Variants in DNAAF8 observed in about 807,000 individuals in gnomAD.
DNAAF8 encodes the protein dynein axonemal assembly factor 8, also known as dynein axonemal-associated protein 1.
DNAAF8 carries 61 observed loss-of-function variants against 54.6 expected under a neutral mutation model. The ratio of observed to expected loss-of-function variants is 1.12; its 90% CI spans 0.91 to 1.38. DNAAF8 has a LOEUF of 1.38. DNAAF8 is among the 40% of genes most tolerant of loss of function. The probability of loss-of-function intolerance (pLI) is 0.00; values close to 1 mark genes in which losing one functional copy is unlikely to be tolerated. For missense variants in DNAAF8, 837 were observed against 665.0 expected (o/e 1.26, Z -2.85); for synonymous variants, 320 against 270.1 (o/e 1.18, Z -1.81).
chr16:4,738,910 G>GAA (rs2081926512), intron 3 of DNAAF8, among the ~76,000 whole-genome samples: 1 of 151,998 alleles, frequency 6.6e-6, no homozygotes, highest in Non-Finnish European at 1.5e-5. Context: ...ATAAAGAAAA[G>GAA]AAAACAGTGT....
chr16:4,735,625 G>C (rs904156907), intron 1 of DNAAF8, among the ~76,000 whole-genome samples: 1 of 150,402 alleles, frequency 6.6e-6, no homozygotes, highest in African/African-American at 2.5e-5. Flanking sequence ...GGGCTGGTCA[G>C]AGTAGTGACT....
Position 4,746,429 on chromosome 16 carries a change from G to C in DNAAF8, c.1098G>C (p.Gln366His), listed in dbSNP as rs1308379822. Residue 366 changes from glutamine to histidine, a missense_variant, in exon 7 of 10, where the codon CAG becomes CAC. Transcript: ENST00000299320. ...CTGGGCCAGGCCCGCAGCTGGCCCAGGGCATGAGGCTTAACGCAGAGTCCC... is the reference window on the plus strand; with the variant it reads ...CTGGGCCAGGCCCGCAGCTGGCCCACGGCATGAGGCTTAACGCAGAGTCCC... ...SQAGPGPQLA[Q>H]GMRLNAESPT... 1 of 1,613,554 alleles carries C rather than the reference G, an allele frequency of 6.2e-7. No individual in the cohort carries two copies. The highest frequency in any genetic ancestry group is 1.1e-5 in the South Asian group (1 of 91,082).
chr16:4,738,873 G>A (rs2081925777), intron 3 of DNAAF8, among the ~76,000 whole-genome samples: 1 of 151,988 alleles, frequency 6.6e-6, no homozygotes, highest in South Asian at 2.1e-4. Flanking sequence ...GCAACAGAGT[G>A]AGACTCCATC....
At chr16:4,735,456 G>A (rs562408814) in intron 1 of DNAAF8, among the ~76,000 whole-genome samples, 28 of 152,134 alleles carry the variant, frequency 1.8e-4, no homozygotes, top group Admixed American at 1.7e-3. Flanking sequence ...GGATGAACGG[G>A]CACTGACTGC....
At chr16:4,743,010 C>T (rs2081973188) in intron 4 of DNAAF8, 33 bp from the exon 5 acceptor site, 1 of 1,534,372 alleles carries the variant, frequency 6.5e-7, no homozygotes, top group African/African-American at 1.4e-5. Context: ...GACCCCTCAG[C>T]ATCCTCATAA....
At chr16:4,737,723 T>C in intron 2 of DNAAF8, 77 bp from the exon 3 acceptor site, 1 of 1,527,022 alleles carries the variant, frequency 6.5e-7, no homozygotes, top group Non-Finnish European at 9.0e-7. Flanking sequence ...GAGTGGAGAG[T>C]GGAGAGCGGG....
chr16:4,746,459 C>T lies in DNAAF8; in HGVS notation c.1128C>T (p.Thr376=), dbSNP rs1367684673. The T allele has an allele frequency of 1.9e-6, 3 of 1,613,716 alleles. No homozygotes were observed. The highest frequency in any genetic ancestry group is 2.2e-5 in the East Asian group (1 of 44,906). The stretch of plus-strand genomic sequence containing the variant: ...TGAGGCTTAACGCAGAGTCCCCCAC[C>T]ATCTTTATTGACCTGCGGCAGATGG... The part of the protein sequence containing the change: ...QGMRLNAESP[T]IFIDLRQMEL... Residue 376 remains threonine (T), a synonymous_variant, in exon 7 of 10, where the codon ACC becomes ACT. Transcript: ENST00000299320.
chr16:4,736,619 G>A lies in DNAAF8; in HGVS notation c.105G>A (p.Pro35=), dbSNP rs146924104. Residue 35 remains proline (P), a synonymous_variant, in exon 2 of 10, where the codon CCG becomes CCA. Transcript: ENST00000299320. ...AILKAVKDQL[P]SLDSDSPLSD... is the part of the protein sequence containing the mutation. Reference sequence around the variant, plus strand: ...TCAAGGCTGTCAAAGACCAGCTCCCGTCTCTGGACTCAGACTCCCCTTTGG... The same window carrying A: ...TCAAGGCTGTCAAAGACCAGCTCCCATCTCTGGACTCAGACTCCCCTTTGG... 5.3e-5 allele frequency: 84 copies of A among 1,581,048 alleles called. No homozygotes were observed. Among genetic ancestry groups the A allele is most frequent in the African/African-American group, 4.3e-4 (32 of 74,574 alleles).
rs2081948992 is a variant in DNAAF8 at position 4,740,492 on chromosome 16, A to G, written c.616A>G (p.Met206Val). ...GGCCCTCCGACAGGAGAGAAGGAAG[A>G]TGATAGAGACGGACATCCTCCAGAA... ...RRALRQERRK[M>V]IETDILQKVT... is the part of the protein sequence containing the mutation. The change falls in exon 4 of 10, where the codon ATG (methionine) becomes GTG (valine). Residue 206 changes from methionine (M) to valine (V), a missense_variant. Coordinates refer to ENST00000299320, the MANE Select transcript of DNAAF8 (RefSeq NM_139170.3). 10 of 1,614,098 alleles carry G rather than the reference A, an allele frequency of 6.2e-6. No homozygotes were observed. The highest frequency in any genetic ancestry group is 7.6e-6 in the Non-Finnish European group (9 of 1,180,014).
At chr16:4,747,698 C>A (rs1397652874) in intron 9 of DNAAF8, 64 bp downstream of exon 9, 2 of 1,480,778 alleles carry the variant, frequency 1.4e-6, no homozygotes, top group East Asian at 2.4e-5. Flanking sequence ...GCCCCGGTGT[C>A]CCCTTGTTGT....
In DNAAF8 at chr16:4,745,966, A is replaced by AG. The variant is rs1391015532; in HGVS notation, c.1044-409_1044-408insG. On this transcript the variant is annotated intron_variant, in intron 6 of 9. Transcript: ENST00000299320. ...AGACTCTGTCTCAAAAAAAAAAAAA[A>AG]AAAGAAAAAGAAAAAGAAATGGAGA... Among the ~76,000 whole-genome samples, 741 of 151,710 alleles carry AG rather than the reference A, an allele frequency of 4.9e-3. 2 individuals carry two copies. The highest frequency in any genetic ancestry group is 7.7e-3 in the Non-Finnish European group (524 of 67,806).
In DNAAF8 at chr16:4,736,598, G is replaced by C. The variant is rs199771490; in HGVS notation, c.84G>C (p.Lys28Asn). The change falls in exon 2 of 10, where the codon AAG (lysine) becomes AAC (asparagine). Residue 28 changes from lysine to asparagine, a missense_variant. Physicochemically the swap from Lys to Asn is moderately conservative, Grantham distance 94. Transcript: ENST00000299320. ...SQMGPWDAIL[K>N]AVKDQLPSLD... ...TGGGGCCCTGGGATGCCATCCTCAAGGCTGTCAAAGACCAGCTCCCGTCTC... is the reference window on the plus strand; with the variant it reads ...TGGGGCCCTGGGATGCCATCCTCAACGCTGTCAAAGACCAGCTCCCGTCTC... 2.0e-5 allele frequency: 31 copies of C among 1,589,334 alleles called. No individual in the cohort carries two copies. In the African/African-American group the frequency reaches 3.3e-4, roughly 17 times the overall value.
At chr16:4,737,128 G>A (rs951726487) in intron 2 of DNAAF8, among the ~76,000 whole-genome samples, 4 of 152,158 alleles carry the variant, frequency 2.6e-5, no homozygotes, top group African/African-American at 9.7e-5. Flanking sequence ...CCTAGGTGCA[G>A]GCATAAGACC....
At chr16:4,734,942 C>T (rs995338096) in intron 1 of DNAAF8, 1 of 152,192 alleles carries the variant, frequency 6.6e-6, no homozygotes, top group African/African-American at 2.4e-5. Context: ...CAGGCTGCAG[C>T]TGAGAAACCC....
At chr16:4,741,645 C>CA (rs2081962430) in intron 4 of DNAAF8, among the ~76,000 whole-genome samples, 4 of 151,926 alleles carry the variant, frequency 2.6e-5, no homozygotes, top group Non-Finnish European at 5.9e-5. Flanking sequence ...ATTAACAATA[C>CA]AAAAATTAGC....
At chr16:4,746,567 T>G in intron 7 of DNAAF8, 55 bp downstream of exon 7, 1 of 1,563,772 alleles carries the variant, frequency 6.4e-7, no homozygotes, top group Non-Finnish European at 8.7e-7. Flanking sequence ...AGTTGCCTGT[T>G]GACCGCACAG....
chr16:4,737,612 C>G (rs1332058888), intron 2 of DNAAF8, among the ~76,000 whole-genome samples, 188 bp from the exon 3 acceptor site: 1 of 152,174 alleles, frequency 6.6e-6, no homozygotes, highest in Non-Finnish European at 1.5e-5. Context: ...CAAGAAGCCG[C>G]GCACAGCAAG....
chr16:4,747,227 G>A lies in DNAAF8; in HGVS notation c.1281-116G>A. On this transcript the variant is annotated intron_variant, in intron 8 of 9. Coordinates refer to ENST00000299320, the MANE Select transcript of DNAAF8 (RefSeq NM_139170.3). ...GCAGCAGTGATGGGCTGCCTGAATT[G>A]CATTCTTGCTCTGAAATGGGAGCTG... is the stretch of plus-strand genomic sequence containing the variant. The A allele has an allele frequency of 3.0e-6, 4 of 1,351,370 alleles. No individual in the cohort carries two copies. In the Admixed American group the frequency reaches 9.1e-5, roughly 31 times the overall value. The allele number at this position is 1,351,370 out of a possible 1,614,324, so 83.7% of individuals were successfully genotyped here. A position where few individuals can be genotyped will look rare whatever the true frequency, so the allele number is the denominator to read the frequency against.
intron 6 of DNAAF8, 135 bp downstream of exon 6, chr16:4,745,146 A>G (rs1234722772): frequency 8.6e-7 from 1 of 1,161,588 alleles, no homozygotes; most frequent in Non-Finnish European, 1.2e-6. Context: ...CTGATCAGGC[A>G]GTCGCTCCAG....
Sources: gnomAD v4.1 joint callset for allele counts (sites outside exome capture counted in the v4.1 genomes callset) on GRCh38, gnomAD v4.1.1 for gene constraint, MANE v1.5 for transcripts, NCBI Gene and HGNC (gene_info 2026-07-23, HGNC 2026-07-21) for gene names.